Variants in THSD7B observed in about 807,000 individuals in gnomAD.
THSD7B encodes thrombospondin type-1 domain-containing protein 7B.
In THSD7B, 138 loss-of-function variants were observed where a neutral mutation model predicts 213.6. The ratio of observed to expected loss-of-function variants is 0.65; its 90% CI spans 0.56 to 0.74. The LOEUF (loss-of-function observed/expected upper bound fraction) is 0.74, where lower values mean the gene tolerates loss of function less well. Among genes scored for constraint, THSD7B ranks in the 30% least tolerant of loss-of-function variants. The probability of loss-of-function intolerance (pLI) is 0.00; values close to 1 mark genes in which losing one functional copy is unlikely to be tolerated. For missense variants in THSD7B, 1,931 were observed against 1,991.5 expected (o/e 0.97, Z 0.58); for synonymous variants, 742 against 687.0 (o/e 1.08, Z -1.25).
chr2:137,410,979 C>G (rs1435072442), intron 13 of THSD7B, among the ~76,000 whole-genome samples: 1 of 152,172 alleles, frequency 6.6e-6, no homozygotes, highest in East Asian at 1.9e-4. Flanking sequence ...AGGACCAAAA[C>G]TAACAGGTCC....
At chr2:137,194,782 T>C (rs1327662817) in intron 7 of THSD7B, among the ~76,000 whole-genome samples, 1 of 152,222 alleles carries the variant, frequency 6.6e-6, no homozygotes, top group Non-Finnish European at 1.5e-5. Context: ...AGCTTGCTAC[T>C]CTATTGAATT....
chr2:137,319,914 C>T (rs1684225589), intron 12 of THSD7B, among the ~76,000 whole-genome samples: 1 of 152,114 alleles, frequency 6.6e-6, no homozygotes, highest in African/African-American at 2.4e-5. Context: ...ATTTGGCTTG[C>T]CCTCCTCTTG....
At chr2:136,885,920 A>C (rs1173878871) in intron 2 of THSD7B, among the ~76,000 whole-genome samples, 1 of 152,168 alleles carries the variant, frequency 6.6e-6, no homozygotes, top group African/African-American at 2.4e-5. Flanking sequence ...GGAGACTAAA[A>C]GCTTAAGGAG....
At chr2:137,046,164 CTG>C (rs1395682881) in intron 2 of THSD7B, among the ~76,000 whole-genome samples, 4 of 152,280 alleles carry the variant, frequency 2.6e-5, no homozygotes, top group Admixed American at 6.5e-5. Flanking sequence ...TAGACCCTAA[CTG>C]TATGCCTAGT....
intron 1 of THSD7B, among the ~76,000 whole-genome samples, chr2:136,806,429 A>C (rs1682282120): frequency 6.6e-6 from 1 of 152,250 alleles, no homozygotes; most frequent in Non-Finnish European, 1.5e-5. Context: ...AATCCATGAA[A>C]TCTATCAAGA....
intron 17 of THSD7B, 103 bp downstream of exon 17, chr2:137,572,659 C>A: frequency 8.0e-6 from 10 of 1,244,230 alleles, no homozygotes; most frequent in Middle Eastern, 2.1e-4. Flanking sequence ...CTTCTAGTAA[C>A]ATGGGAAAAT....
intron 25 of THSD7B, among the ~76,000 whole-genome samples, chr2:137,662,595 C>A (rs563963384): frequency 6.6e-6 from 1 of 152,176 alleles, no homozygotes; most frequent in South Asian, 2.1e-4. Context: ...AGGGATTTCG[C>A]GGCTGTGATA....
chr2:137,129,957 A>G (rs887836680), intron 5 of THSD7B, among the ~76,000 whole-genome samples: 4 of 152,206 alleles, frequency 2.6e-5, no homozygotes, highest in African/African-American at 7.2e-5. Context: ...GTTTTATTTC[A>G]GTATACTTGA....
intron 15 of THSD7B, among the ~76,000 whole-genome samples, chr2:137,559,814 A>G (rs912523432): frequency 2.6e-5 from 4 of 152,220 alleles, no homozygotes; most frequent in African/African-American, 9.6e-5. Flanking sequence ...CAATCTACTC[A>G]TCTGACAAAG....
intron 1 of THSD7B, among the ~76,000 whole-genome samples, chr2:136,823,443 T>A (rs1682596621): frequency 6.6e-6 from 1 of 152,244 alleles, no homozygotes; most frequent in African/African-American, 2.4e-5. Context: ...CAAGACGGAC[T>A]CCTTAACATG....
At chr2:137,194,274 T>C (rs1680716570) in intron 7 of THSD7B, among the ~76,000 whole-genome samples, 1 of 152,112 alleles carries the variant, frequency 6.6e-6, no homozygotes, top group Non-Finnish European at 1.5e-5. Flanking sequence ...GGGCGTGCTG[T>C]AGAAAAGAAA....
chr2:136,895,917 T>A (rs764298472), intron 2 of THSD7B, among the ~76,000 whole-genome samples: 18 of 152,222 alleles, frequency 1.2e-4, no homozygotes, highest in Non-Finnish European at 2.1e-4. Context: ...TTGTGGTTGC[T>A]CTATATTATA....
chr2:137,524,249 G>A (rs537067206), intron 15 of THSD7B, among the ~76,000 whole-genome samples: 61 of 152,032 alleles, frequency 4.0e-4, no homozygotes, highest in African/African-American at 1.2e-3. Flanking sequence ...AGGCTTTGCC[G>A]TTAGCCTCCC....
chr2:136,952,599 T>C (rs1329936680), intron 2 of THSD7B, among the ~76,000 whole-genome samples: 2 of 152,170 alleles, frequency 1.3e-5, no homozygotes, highest in African/African-American at 4.8e-5. Flanking sequence ...CCAAACCCAC[T>C]TTAATAGTTT....
intron 2 of THSD7B, among the ~76,000 whole-genome samples, chr2:136,967,620 C>A (rs563688347): frequency 1.3e-5 from 2 of 152,196 alleles, no homozygotes; most frequent in Admixed American, 1.3e-4. Context: ...TGAAAAAATA[C>A]AAGTAAATGC....
chr2:136,941,008 C>T (rs758486288), intron 2 of THSD7B, among the ~76,000 whole-genome samples: 4 of 151,820 alleles, frequency 2.6e-5, no homozygotes, highest in Non-Finnish European at 5.9e-5. Flanking sequence ...TTCCTCCAGC[C>T]CCCCACCCCA....
intron 1 of THSD7B, among the ~76,000 whole-genome samples, chr2:136,834,210 CT>C (rs1008222919): frequency 4.6e-5 from 7 of 152,200 alleles, no homozygotes; most frequent in African/African-American, 1.7e-4. Context: ...GACCCAGCCC[CT>C]GGTCAGCATC....
chr2:137,374,171 A>G (rs1022501019), intron 12 of THSD7B, among the ~76,000 whole-genome samples: 4 of 152,066 alleles, frequency 2.6e-5, no homozygotes, highest in Non-Finnish European at 5.9e-5. Flanking sequence ...GGAGGGAGAG[A>G]GAGAGAGCTG....
chr2:137,276,003 G>C lies in THSD7B; in HGVS notation c.2477G>C (p.Cys826Ser). The C allele has an allele frequency of 6.2e-7, 1 of 1,611,762 alleles. No individual in the cohort carries two copies. ...GGAATAACGGGCAGCAGTGAAGCCT[G>C]TGGAAAGGGGTTACAAACAAGAGGT... ...WQGITGSSEACGKGLQTRAVS... is the reference protein window; with the variant it reads ...WQGITGSSEASGKGLQTRAVS... The change falls in exon 12 of 28, where the codon TGT (cysteine) becomes TCT (serine). Residue 826 changes from cysteine to serine, a missense_variant. Physicochemically the swap from Cys to Ser is moderately radical, Grantham distance 112 (BLOSUM62 -1). Transcript: ENST00000409968.
Sources: allele counts gnomAD v4.1 joint callset (sites outside exome capture counted in the v4.1 genomes callset), GRCh38; gene constraint gnomAD v4.1.1; transcripts MANE v1.5; gene names NCBI Gene and HGNC (gene_info 2026-07-23, HGNC 2026-07-21).